The following BMPR2 variants were observed in gnomAD, a reference collection of about 807,000 sequenced individuals.
BMPR2 encodes bone morphogenetic protein receptor type-2.
In BMPR2, 29 loss-of-function variants were observed where a neutral mutation model predicts 100.8. The observed-to-expected ratio is 0.29, with a 90% CI of 0.21 to 0.39. The LOEUF (loss-of-function observed/expected upper bound fraction) is 0.39. Among genes scored for constraint, BMPR2 ranks in the 10% least tolerant of loss-of-function variants. The pLI is 1.00. For synonymous variants in BMPR2, 382 were observed against 442.3 expected (o/e 0.86, Z 1.71); for missense variants, 1,011 against 1,274.5 (o/e 0.79, Z 3.15).
chr2:202,453,311 A>G (rs1692026715), intron 1 of BMPR2, among the ~76,000 whole-genome samples: 1 of 151,972 alleles, frequency 6.6e-6, no homozygotes, highest in African/African-American at 2.4e-5. Context: ...AATACTAAGT[A>G]TATACCCAAA....
intron 3 of BMPR2, among the ~76,000 whole-genome samples, chr2:202,502,804 A>G (rs1687426340): frequency 6.6e-6 from 1 of 152,158 alleles, no homozygotes; most frequent in African/African-American, 2.4e-5. Context: ...GTTTACAGGA[A>G]AAGGCTTCTG....
intron 1 of BMPR2, among the ~76,000 whole-genome samples, chr2:202,395,545 A>C (rs570880120): frequency 6.6e-6 from 1 of 152,352 alleles, no homozygotes; most frequent in African/African-American, 2.4e-5. Flanking sequence ...TGTAAGTTTA[A>C]AAATCCAGAT....
intron 7 of BMPR2, among the ~76,000 whole-genome samples, chr2:202,523,918 T>A (rs908615303): frequency 3.3e-5 from 5 of 152,092 alleles, no homozygotes; most frequent in African/African-American, 1.2e-4. Context: ...CTGGAGTAGG[T>A]TATGCTAAGT....
intron 3 of BMPR2, among the ~76,000 whole-genome samples, chr2:202,508,162 G>A (rs557862277): frequency 2.0e-3 from 295 of 150,412 alleles, no homozygotes; most frequent in African/African-American, 6.7e-3. Flanking sequence ...GTGTGATCTT[G>A]GCTTACTGCA....
rs925238255 is a variant in BMPR2, at chr2:202,565,597, A to G, written c.*5651A>G. ...AGAATTGTATATCATTTTGCCATTA[A>G]AATTTTTTAACATATTGCAGCAAGC... On this transcript the variant is annotated 3_prime_UTR_variant, in exon 13 of 13. Transcript: ENST00000374580. 3.9e-5 allele frequency: 6 copies of G among 152,600 alleles called. No individual in the cohort carries two copies. Among genetic ancestry groups the G allele is most frequent in the African/African-American group, 1.4e-4 (6 of 41,454 alleles). 9.5% of individuals were successfully genotyped at this position (152,600 alleles called of 1,614,324 possible).
chr2:202,474,504 G>A (rs1408132905), intron 3 of BMPR2, among the ~76,000 whole-genome samples: 2 of 152,050 alleles, frequency 1.3e-5, no homozygotes, highest in African/African-American at 4.8e-5. Context: ...TGGGTAGTGT[G>A]GGAAGACTGT....
At position 202,532,812 on chromosome 2, in the gene BMPR2, A is replaced by T; in HGVS notation, c.1276+80A>T. The stretch of plus-strand genomic sequence containing the variant: ...TTTCTCTACCTATAGTACCTAACTC[A>T]ACTTTTATGTAAGAATCTTTTTACT... On this transcript the variant is annotated intron_variant, in intron 9 of 12. Transcript: ENST00000374580. The surrounding 1 kb of genome is among the most constrained non-coding windows in gnomAD (Gnocchi z 4.1). The T allele has an allele frequency of 6.9e-7, 1 of 1,455,676 alleles. No individual in the cohort carries two copies. Among genetic ancestry groups the T allele is most frequent in the Non-Finnish European group, 9.4e-7 (1 of 1,058,252 alleles). The allele number at this position is 1,455,676 out of a possible 1,614,324, so 90.2% of individuals were successfully genotyped here. A position where few individuals can be genotyped will look rare whatever the true frequency, so the allele number is the denominator to read the frequency against.
intron 3 of BMPR2, among the ~76,000 whole-genome samples, chr2:202,498,534 A>G (rs923335062): frequency 1.1e-4 from 16 of 148,800 alleles, no homozygotes; most frequent in Non-Finnish European, 1.6e-4. Context: ...GTCGGTGAGC[A>G]CAACTATTCC....
chr2:202,390,606 A>G (rs563036816), intron 1 of BMPR2, among the ~76,000 whole-genome samples: 8 of 152,280 alleles, frequency 5.3e-5, no homozygotes, highest in African/African-American at 1.9e-4. Flanking sequence ...TGCTGAGATT[A>G]CAGGTGTGAG....
intron 1 of BMPR2, among the ~76,000 whole-genome samples, chr2:202,392,981 A>C (rs540698549): frequency 2.0e-4 from 28 of 143,468 alleles, no homozygotes; most frequent in African/African-American, 6.9e-4. Flanking sequence ...ACAAGAGCGA[A>C]ACTCCGTCTC....
At chr2:202,392,164 G>T (rs554444499) in intron 1 of BMPR2, among the ~76,000 whole-genome samples, 1 of 151,498 alleles carries the variant, frequency 6.6e-6, no homozygotes, top group African/African-American at 2.4e-5. Context: ...TCCGCCTGCC[G>T]GGTTCAAACG....
chr2:202,468,853 A>C (rs1692376241), intron 3 of BMPR2, among the ~76,000 whole-genome samples: 2 of 152,228 alleles, frequency 1.3e-5, no homozygotes, highest in South Asian at 4.1e-4. Flanking sequence ...TGGAAGGAAA[A>C]TAAAAAAGCC....
intron 5 of BMPR2, among the ~76,000 whole-genome samples, chr2:202,517,848 G>A (rs1157223790): frequency 2.7e-5 from 4 of 146,528 alleles, no homozygotes; most frequent in Non-Finnish European, 6.0e-5. Context: ...AGTCTCACTC[G>A]GTCACCCAGT....
At chr2:202,539,098 C>T (rs1284128660) in intron 9 of BMPR2, among the ~76,000 whole-genome samples, 1 of 151,940 alleles carries the variant, frequency 6.6e-6, no homozygotes, top group African/African-American at 2.4e-5. Flanking sequence ...ATTAAGAAGA[C>T]AAATGATCAG....
At position 202,522,524 on chromosome 2, in the gene BMPR2, A is replaced by G. The variant is rs1044832301; in HGVS notation, c.967+2323A>G. Among the ~76,000 whole-genome samples, 135 of 150,324 alleles carry G rather than the reference A, an allele frequency of 9.0e-4. 1 individual carries two copies. Among genetic ancestry groups the G allele is most frequent in the African/African-American group, 3.1e-3 (127 of 40,852 alleles). On this transcript the variant is annotated intron_variant, in intron 7 of 12. Coordinates refer to ENST00000374580, the MANE Select transcript of BMPR2 (RefSeq NM_001204.7). ...TCCCTCTCAAAAAAAAAAAAAAGAA[A>G]TTCTTGTCCATTAATAATTTCTGAG...
intron 1 of BMPR2, among the ~76,000 whole-genome samples, chr2:202,409,732 C>T (rs992893144): frequency 3.9e-5 from 6 of 152,010 alleles, no homozygotes; most frequent in African/African-American, 1.4e-4. Flanking sequence ...AATAACTTGT[C>T]TAAGATACTT....
At chr2:202,497,066 G>C (rs559465219) in intron 3 of BMPR2, among the ~76,000 whole-genome samples, 1 of 152,214 alleles carries the variant, frequency 6.6e-6, no homozygotes, top group Non-Finnish European at 1.5e-5. Context: ...CAGCGGCTGC[G>C]GGGGGTGCAC....
At chr2:202,550,496 G>T (rs968294048) in intron 10 of BMPR2, among the ~76,000 whole-genome samples, 8 of 152,030 alleles carry the variant, frequency 5.3e-5, no homozygotes, top group African/African-American at 1.9e-4. Flanking sequence ...GGGATTACAG[G>T]CATGAGCCAC....
rs138434956 is a variant in BMPR2 at position 202,497,276 on chromosome 2, G to A, written c.419-16443G>A. ...ACGGCGCCCAGTCCCATTGCCAAGC[G>A]GTGAGACAATCGCTGAGCGGTGAGA... On this transcript the variant is annotated intron_variant, in intron 3 of 12. Coordinates refer to ENST00000374580, the MANE Select transcript of BMPR2 (RefSeq NM_001204.7). Among the ~76,000 whole-genome samples the A allele has an allele frequency of 9.9e-4, 151 of 152,348 alleles. 1 individual carries two copies. The Middle Eastern group carries it at 0.01, about 10-fold the overall frequency.
Sources: allele counts gnomAD v4.1 joint callset (sites outside exome capture counted in the v4.1 genomes callset), GRCh38; gene constraint gnomAD v4.1.1; non-coding constraint Gnocchi (gnomAD v3.1); transcripts MANE v1.5; gene names NCBI Gene and HGNC (gene_info 2026-07-23, HGNC 2026-07-21).